Variants in EPHA3 observed in about 807,000 individuals in gnomAD.
The protein encoded by EPHA3 is EPH receptor A3.
Under a neutral mutation model 107.1 loss-of-function variants are expected in EPHA3, and 42 were observed. That is an observed-to-expected ratio of 0.39 (90% CI 0.31 to 0.51). The LOEUF (loss-of-function observed/expected upper bound fraction) is 0.51, where lower values mean the gene tolerates loss of function less well. Ranked by LOEUF, EPHA3 falls within the 20% of genes least tolerant of loss-of-function variation. EPHA3 has a pLI of 0.78. For missense variants in EPHA3, 1,183 were observed against 1,211.2 expected (o/e 0.98, Z 0.35); for synonymous variants, 461 against 424.8 (o/e 1.09, Z -1.05).
chr3:89,257,051 A>T (rs1320554109), intron 3 of EPHA3, among the ~76,000 whole-genome samples: 1 of 152,244 alleles, frequency 6.6e-6, no homozygotes, highest in Non-Finnish European at 1.5e-5. Context: ...ATAAAACTGG[A>T]TGTTTCAATG....
intron 3 of EPHA3, among the ~76,000 whole-genome samples, chr3:89,267,700 A>G (rs1272130235): frequency 1.3e-5 from 2 of 152,180 alleles, no homozygotes; most frequent in African/African-American, 4.8e-5. Context: ...AAATAACACA[A>G]AGTCAATCTT....
intron 3 of EPHA3, among the ~76,000 whole-genome samples, chr3:89,315,298 A>G (rs150621915): frequency 8.6e-5 from 13 of 151,984 alleles, no homozygotes; most frequent in Non-Finnish European, 7.4e-5. Context: ...GTGTATGCCT[A>G]CAAAGATGAA....
At chr3:89,110,059 T>C (rs1244651163) in intron 1 of EPHA3, among the ~76,000 whole-genome samples, 3 of 152,134 alleles carry the variant, frequency 2.0e-5, no homozygotes, top group East Asian at 1.9e-4. Context: ...AACAATGTAA[T>C]TTAAATAGAA....
chr3:89,214,742 T>A (rs1455992430), intron 3 of EPHA3, among the ~76,000 whole-genome samples: 1 of 151,930 alleles, frequency 6.6e-6, no homozygotes, highest in East Asian at 1.9e-4. Flanking sequence ...CTCAGTCTCT[T>A]TTTTTTCATA....
At chr3:89,177,076 G>T (rs984525532) in intron 2 of EPHA3, among the ~76,000 whole-genome samples, 3 of 148,446 alleles carry the variant, frequency 2.0e-5, no homozygotes, top group African/African-American at 7.4e-5. Context: ...TTCACTCTGC[G>T]TGTGTGTGTG....
chr3:89,291,183 C>A (rs1197065793), intron 3 of EPHA3, among the ~76,000 whole-genome samples: 4 of 152,130 alleles, frequency 2.6e-5, no homozygotes, highest in Non-Finnish European at 5.9e-5. Flanking sequence ...TCTCTTTCTC[C>A]TCTAATATCA....
intron 13 of EPHA3, among the ~76,000 whole-genome samples, chr3:89,447,092 A>G (rs1400678129): frequency 1.3e-5 from 2 of 152,172 alleles, no homozygotes; most frequent in Admixed American, 1.3e-4. Context: ...GTCAAGGGGT[A>G]GTATTTGAAA....
chr3:89,251,187 T>A (rs1240087535), intron 3 of EPHA3, among the ~76,000 whole-genome samples: 2 of 152,168 alleles, frequency 1.3e-5, no homozygotes, highest in African/African-American at 4.8e-5. Flanking sequence ...TAGGGTTTTT[T>A]GGTTTGTTTT....
chr3:89,397,537 C>T (rs1467951014), intron 6 of EPHA3, among the ~76,000 whole-genome samples: 2 of 151,598 alleles, frequency 1.3e-5, no homozygotes, highest in Admixed American at 1.3e-4. Flanking sequence ...AAATATGCTG[C>T]CTTATTTCAA....
intron 3 of EPHA3, among the ~76,000 whole-genome samples, chr3:89,236,679 T>C (rs1471955896): frequency 6.6e-6 from 1 of 151,772 alleles, no homozygotes; most frequent in Non-Finnish European, 1.5e-5. Context: ...CATGTATACA[T>C]ATGTAACTAA....
At chr3:89,286,950 A>G (rs970354734) in intron 3 of EPHA3, among the ~76,000 whole-genome samples, 1 of 151,984 alleles carries the variant, frequency 6.6e-6, no homozygotes, top group Non-Finnish European at 1.5e-5. Flanking sequence ...AAAATACCTT[A>G]TTTTTTAGAC....
intron 7 of EPHA3, 51 bp downstream of exon 7, chr3:89,399,531 A>C (rs1272163633): frequency 1.3e-6 from 2 of 1,599,234 alleles, no homozygotes; most frequent in African/African-American, 1.3e-5. Flanking sequence ...ATCTTGCAAA[A>C]GATGTCTGAT....
chr3:89,252,496 A>C (rs1395574762), intron 3 of EPHA3, among the ~76,000 whole-genome samples: 2 of 152,142 alleles, frequency 1.3e-5, no homozygotes, highest in African/African-American at 4.8e-5. Context: ...CCAACACTTT[A>C]GGAGGATGAG....
intron 3 of EPHA3, among the ~76,000 whole-genome samples, chr3:89,279,357 T>C (rs1171780497): frequency 1.3e-5 from 2 of 152,166 alleles, no homozygotes; most frequent in African/African-American, 4.8e-5. Flanking sequence ...CTGTACTTGT[T>C]CTACACTTTA....
chr3:89,222,589 A>G (rs1704408099), intron 3 of EPHA3, among the ~76,000 whole-genome samples: 1 of 151,440 alleles, frequency 6.6e-6, no homozygotes, highest in Non-Finnish European at 1.5e-5. Context: ...TTAGCACTAT[A>G]TACTTAGTAC....
At chr3:89,405,960 T>C (rs1016213976) in intron 7 of EPHA3, among the ~76,000 whole-genome samples, 7 of 152,164 alleles carry the variant, frequency 4.6e-5, no homozygotes, top group African/African-American at 1.4e-4. Flanking sequence ...CTGAAAGTTA[T>C]AAAGAGCCAA....
In EPHA3 at chr3:89,107,650, G is replaced by A; in HGVS notation, c.-99G>A. On this transcript the variant is annotated 5_prime_UTR_variant, in exon 1 of 17. Coordinates refer to ENST00000336596, the MANE Select transcript of EPHA3 (RefSeq NM_005233.6). ...TCAAACTTGACATCAGCCTGCGAGC[G>A]GAGCATGGTAACTTCTCCAGCAATC... is the stretch of plus-strand genomic sequence containing the variant. 5 of 1,102,568 alleles carry A rather than the reference G, an allele frequency of 4.5e-6. No individual in the cohort carries two copies. The highest frequency in any genetic ancestry group is 6.8e-6 in the Non-Finnish European group (5 of 738,718). 68.3% of individuals were successfully genotyped at this position (1,102,568 alleles called of 1,614,324 possible).
intron 11 of EPHA3, among the ~76,000 whole-genome samples, chr3:89,426,302 C>T (rs1302733683): frequency 6.6e-6 from 1 of 151,744 alleles, no homozygotes; most frequent in Non-Finnish European, 1.5e-5. Flanking sequence ...AACTAGTTCT[C>T]GCCACTACAG....
At chr3:89,149,010 G>T (rs1451241987) in intron 2 of EPHA3, among the ~76,000 whole-genome samples, 3 of 151,858 alleles carry the variant, frequency 2.0e-5, no homozygotes, top group Admixed American at 1.3e-4. Flanking sequence ...ATGCCATAAT[G>T]CAAATTTTGA....
Sources: gnomAD v4.1 joint callset for allele counts (sites outside exome capture counted in the v4.1 genomes callset) on GRCh38, gnomAD v4.1.1 for gene constraint, MANE v1.5 for transcripts, NCBI Gene and HGNC (gene_info 2026-07-23, HGNC 2026-07-21) for gene names.